The following DLC1 variants were observed in gnomAD, a reference collection of about 807,000 sequenced individuals.
DLC1 encodes the protein DLC1 Rho GTPase activating protein, also known as rho GTPase-activating protein 7.
In DLC1, 54 loss-of-function variants were observed where a neutral mutation model predicts 140.3. The ratio of observed to expected loss-of-function variants is 0.38; its 90% CI spans 0.31 to 0.48. DLC1 has a LOEUF of 0.48. Ranked by LOEUF, DLC1 falls within the 20% of genes least tolerant of loss-of-function variation. The pLI, the probability that DLC1 is intolerant of heterozygous loss-of-function variation, is 0.96. For missense variants in DLC1, 2,536 were observed against 1,907.0 expected, an observed-to-expected ratio of 1.33 and a Z score of -6.14; for synonymous variants, 986 against 728.1, an observed-to-expected ratio of 1.35 and a Z score of -5.70.
chr8:13,375,782 C>G (rs1835953610), intron 4 of DLC1, among the ~76,000 whole-genome samples: 1 of 151,922 alleles, frequency 6.6e-6, no homozygotes, highest in Non-Finnish European at 1.5e-5. Flanking sequence ...TTTGTCAAAG[C>G]TTGGCCATCA....
At chr8:13,436,340 G>T (rs765073781) in intron 2 of DLC1, among the ~76,000 whole-genome samples, 18 of 152,114 alleles carry the variant, frequency 1.2e-4, no homozygotes, top group Non-Finnish European at 2.1e-4. Flanking sequence ...AGTCCAGCAG[G>T]TTTTACACTT....
chr8:13,499,026 G>C, intron 2 of DLC1, 23 bp downstream of exon 2: 1 of 1,552,718 alleles, frequency 6.4e-7, no homozygotes, highest in Non-Finnish European at 8.7e-7. Flanking sequence ...TCAAAAGCCA[G>C]AGAATCTGTG....
At chr8:13,413,704 GGT>G (rs1837915385) in intron 2 of DLC1, among the ~76,000 whole-genome samples, 1 of 151,922 alleles carries the variant, frequency 6.6e-6, no homozygotes, top group African/African-American at 2.4e-5. Flanking sequence ...TTTTAAACGT[GGT>G]GTTTTCCCCT....
chr8:13,530,270 T>A (rs1803052508), intron 1 of DLC1, among the ~76,000 whole-genome samples: 1 of 152,212 alleles, frequency 6.6e-6, no homozygotes, highest in Non-Finnish European at 1.5e-5. Flanking sequence ...ACCAAATTTC[T>A]GGTCTTGCGA....
rs1156233052 is a variant in DLC1, at chr8:13,599,194, G to GA, written c.-126+5342dup. 4.6e-5 allele frequency among the ~76,000 whole-genome samples: 7 copies of GA among 151,676 alleles called. No homozygotes were observed. In the East Asian group the frequency reaches 1.2e-3, roughly 25 times the overall value. On this transcript the variant is annotated intron_variant, in intron 1 of 1. Transcript: ENST00000631382. ...ACATGTGTGAATAAGACAAAGGGAA[G>GA]AAAAAAACATGATTTTGGAATTTAT...
intron 2 of DLC1, among the ~76,000 whole-genome samples, chr8:13,467,453 C>CTTTT (rs10671511): frequency 2.7e-5 from 4 of 149,630 alleles, no homozygotes; most frequent in Admixed American, 2.6e-4. Context: ...TCTTATATTC[C>CTTTT]TTTTTTTTTC....
chr8:13,163,205 T>C (rs1824853435), intron 5 of DLC1, among the ~76,000 whole-genome samples: 1 of 152,164 alleles, frequency 6.6e-6, no homozygotes, highest in Admixed American at 6.5e-5. Context: ...CACACTTCTT[T>C]AATAAGTTAA....
intron 5 of DLC1, among the ~76,000 whole-genome samples, chr8:13,195,426 C>T (rs1175005236): frequency 6.6e-6 from 1 of 152,124 alleles, no homozygotes; most frequent in Non-Finnish European, 1.5e-5. Flanking sequence ...ATAGCTCCTG[C>T]CAATGGTGAA....
chr8:13,325,325 G>A (rs1294046686), intron 4 of DLC1, among the ~76,000 whole-genome samples: 2 of 152,006 alleles, frequency 1.3e-5, no homozygotes, highest in Admixed American at 6.6e-5. Context: ...TTTCACGGAC[G>A]GCAAAAAGGG....
At chr8:13,522,590 A>T (rs1802799593) in intron 1 of DLC1, among the ~76,000 whole-genome samples, 1 of 152,120 alleles carries the variant, frequency 6.6e-6, no homozygotes, top group South Asian at 2.1e-4. Context: ...GTGCCATTGT[A>T]CTCCAGCCTG....
intron 1 of DLC1, among the ~76,000 whole-genome samples, chr8:13,556,445 A>C (rs1804048269): frequency 6.6e-6 from 1 of 152,210 alleles, no homozygotes; most frequent in African/African-American, 2.4e-5. Context: ...GGTTTTGACA[A>C]GTGATTCTAA....
chr8:13,287,457 T>G (rs1168214313), intron 5 of DLC1, among the ~76,000 whole-genome samples: 1 of 152,226 alleles, frequency 6.6e-6, no homozygotes, highest in Non-Finnish European at 1.5e-5. Flanking sequence ...CATAAATAGT[T>G]TGGAAAACCC....
chr8:13,272,103 A>G (rs188776816), intron 5 of DLC1, among the ~76,000 whole-genome samples: 87 of 152,364 alleles, frequency 5.7e-4, no homozygotes, highest in African/African-American at 2.4e-5. Context: ...TAAAAAGTCA[A>G]TGTCATTGAT....
At chr8:13,218,739 TATC>T (rs1341261563) in intron 5 of DLC1, among the ~76,000 whole-genome samples, 20 of 146,282 alleles carry the variant, frequency 1.4e-4, no homozygotes, top group African/African-American at 4.8e-4. Flanking sequence ...AATATATAAT[TATC>T]ATATGACCCA....
chr8:13,282,883 C>T (rs1831413006), intron 5 of DLC1, among the ~76,000 whole-genome samples: 1 of 152,158 alleles, frequency 6.6e-6, no homozygotes, highest in Admixed American at 6.5e-5. Flanking sequence ...TAGAAGACTT[C>T]CTTCTGAGGA....
rs775417039 is a variant in DLC1 at position 13,100,081 on chromosome 8, C to T, written c.2256G>A (p.Ala752=). The change falls in exon 9 of 18, where the codon GCG becomes GCA. Residue 752 remains alanine, a synonymous_variant. Transcript: ENST00000276297. ...TCGTAACAGGGCTGGGCGTGCTGACCGCGCTGCTGGTCTCCGACTGGCTGC... is the reference window on the plus strand; with the variant it reads ...TCGTAACAGGGCTGGGCGTGCTGACTGCGCTGCTGGTCTCCGACTGGCTGC... ...SSSSQSETSS[A]VSTPSPVTRT... is the part of the protein sequence containing the mutation. 11 of 1,613,618 alleles carry T rather than the reference C, an allele frequency of 6.8e-6. No individual in the cohort carries two copies. Among genetic ancestry groups the T allele is most frequent in the East Asian group, 2.2e-5 (1 of 44,874 alleles).
chr8:13,580,049 G>T (rs1417905286), intron 1 of DLC1, among the ~76,000 whole-genome samples: 3 of 152,044 alleles, frequency 2.0e-5, no homozygotes, highest in African/African-American at 7.2e-5. Flanking sequence ...CATGACCCAG[G>T]ATCACTTTAA....
At chr8:13,441,365 C>T (rs891623549) in intron 2 of DLC1, among the ~76,000 whole-genome samples, 4 of 152,120 alleles carry the variant, frequency 2.6e-5, no homozygotes, top group Non-Finnish European at 4.4e-5. Context: ...CCAGGGCAAT[C>T]AGGCAGGAGA....
intron 17 of DLC1, 58 bp downstream of exon 17, chr8:13,086,232 A>C: frequency 6.4e-7 from 1 of 1,567,780 alleles, no homozygotes; most frequent in Non-Finnish European, 8.6e-7. Flanking sequence ...CATTAGACAA[A>C]AAGTCAGAAT....
Sources: allele counts gnomAD v4.1 joint callset (sites outside exome capture counted in the v4.1 genomes callset), GRCh38; gene constraint gnomAD v4.1.1; transcripts MANE v1.5; gene names NCBI Gene and HGNC (gene_info 2026-07-23, HGNC 2026-07-21).